The following ENOX1 variants were observed in gnomAD, a reference collection of about 807,000 sequenced individuals.
ENOX1 encodes the protein ecto-NOX disulfide-thiol exchanger 1, also known as candidate growth-related and time keeping constitutive hydroquinone (NADH) oxidase.
A neutral mutation model predicts 82.5 loss-of-function variants in ENOX1; 42 were observed. The observed-to-expected ratio is 0.51, with a 90% confidence interval of 0.40 to 0.66. The LOEUF (loss-of-function observed/expected upper bound fraction) is 0.66. Ranked by LOEUF, ENOX1 falls within the 30% of genes least tolerant of loss-of-function variation. ENOX1 has a pLI of 0.00. For synonymous variants in ENOX1, 271 were observed against 282.2 expected (o/e 0.96, Z 0.40); for missense variants, 608 against 811.6 (o/e 0.75, Z 3.05).
chr13:43,717,318 C>A (rs1423982749), intron 1 of ENOX1, among the ~76,000 whole-genome samples: 1 of 152,136 alleles, frequency 6.6e-6, no homozygotes, highest in African/African-American at 2.4e-5. Flanking sequence ...ATAAATGGTG[C>A]TGGGATAACT....
At chr13:43,353,463 T>C (rs1394077900) in intron 8 of ENOX1, among the ~76,000 whole-genome samples, 1 of 152,246 alleles carries the variant, frequency 6.6e-6, no homozygotes, top group Non-Finnish European at 1.5e-5. Context: ...TCAGATTGCA[T>C]TTCCATTTCC....
chr13:43,344,749 A>G lies in ENOX1; in HGVS notation c.825T>C (p.Asp275=), dbSNP rs753980994. ...TGATAGCCTCTGAAAACTTGCTATC[A>G]TCTGGAAATGGAAAACCACCAAGTA... ...EAALLAEKLK[D]DSKFSEAITV... The change falls in exon 9 of 17, where the codon GAT becomes GAC. Residue 275 remains aspartate (D), a splice_region_variant and synonymous_variant. Coordinates refer to ENST00000690772, the MANE Select transcript of ENOX1 (RefSeq NM_001347969.2). 2.3e-5 allele frequency: 37 copies of G among 1,613,688 alleles called. No homozygotes were observed. The East Asian group carries it at 8.2e-4, about 36-fold the overall frequency.
intron 1 of ENOX1, among the ~76,000 whole-genome samples, chr13:43,717,381 A>G (rs1048636447): frequency 1.1e-4 from 17 of 152,206 alleles, no homozygotes; most frequent in Non-Finnish European, 1.0e-4. Flanking sequence ...CAGCATAACC[A>G]AACATTAACC....
intron 14 of ENOX1, among the ~76,000 whole-genome samples, chr13:43,258,847 C>T (rs754714148): frequency 1.3e-5 from 2 of 152,172 alleles, no homozygotes; most frequent in African/African-American, 4.8e-5. Context: ...TGGAAAAATA[C>T]AAATAAAATT....
intron 2 of ENOX1, among the ~76,000 whole-genome samples, chr13:43,535,157 T>C (rs1442352699): frequency 6.6e-6 from 1 of 152,188 alleles, no homozygotes; most frequent in African/African-American, 2.4e-5. Context: ...TATAAAGTGC[T>C]TAGTGAGTAG....
intron 5 of ENOX1, among the ~76,000 whole-genome samples, chr13:43,384,030 G>A (rs945705060): frequency 1.3e-5 from 2 of 152,142 alleles, no homozygotes; most frequent in Admixed American, 6.5e-5. Context: ...TTCACATCCC[G>A]GCTGCACCAC....
chr13:43,300,864 G>A (rs1378045309), intron 11 of ENOX1, among the ~76,000 whole-genome samples: 2 of 148,462 alleles, frequency 1.3e-5, no homozygotes, highest in Admixed American at 1.3e-4. Flanking sequence ...CACTTTTACA[G>A]TTTTCAGAGA....
intron 14 of ENOX1, among the ~76,000 whole-genome samples, chr13:43,255,918 A>G (rs1360348907): frequency 6.6e-6 from 1 of 152,110 alleles, no homozygotes; most frequent in African/African-American, 2.4e-5. Flanking sequence ...GAAAAATACT[A>G]TGAAGCCACA....
At chr13:43,305,259 T>C (rs2046794428) in intron 11 of ENOX1, among the ~76,000 whole-genome samples, 1 of 22,294 alleles carries the variant, frequency 4.5e-5, no homozygotes, top group Admixed American at 9.3e-4. Flanking sequence ...ATAATACCTG[T>C]ATCACCACTG....
chr13:43,497,337 T>C (rs2076830015), intron 2 of ENOX1, among the ~76,000 whole-genome samples: 1 of 152,172 alleles, frequency 6.6e-6, no homozygotes, highest in Non-Finnish European at 1.5e-5. Flanking sequence ...CCCACATCTC[T>C]TTTCCTGATT....
At chr13:43,699,359 C>A (rs1052108374) in intron 1 of ENOX1, among the ~76,000 whole-genome samples, 5 of 152,174 alleles carry the variant, frequency 3.3e-5, no homozygotes, top group East Asian at 1.9e-4. Context: ...AGAAAGAATT[C>A]TTTTCTCCTT....
At chr13:43,341,052 C>T (rs2049023946) in intron 9 of ENOX1, among the ~76,000 whole-genome samples, 1 of 152,154 alleles carries the variant, frequency 6.6e-6, no homozygotes, top group South Asian at 2.1e-4. Flanking sequence ...AATCCCAGCA[C>T]TTTGGGAGGC....
At chr13:43,644,046 C>A (rs1318849011) in intron 2 of ENOX1, among the ~76,000 whole-genome samples, 1 of 152,132 alleles carries the variant, frequency 6.6e-6, no homozygotes. Flanking sequence ...AATAGAATCC[C>A]AAACTGCCAT....
intron 2 of ENOX1, among the ~76,000 whole-genome samples, chr13:43,630,860 T>TACACAC (rs373900524): frequency 0.039 from 5,833 of 147,764 alleles, 278 homozygotes; most frequent in East Asian, 0.25. Flanking sequence ...TATATATATA[T>TACACAC]ACACACACAC....
intron 12 of ENOX1, among the ~76,000 whole-genome samples, chr13:43,272,005 A>C (rs1219436550): frequency 2.0e-5 from 3 of 152,112 alleles, no homozygotes; most frequent in African/African-American, 7.2e-5. Context: ...AATTTATTTA[A>C]AAATCTAATA....
chr13:43,292,594 G>T (rs1357411986), intron 12 of ENOX1, among the ~76,000 whole-genome samples: 1 of 149,750 alleles, frequency 6.7e-6, no homozygotes, highest in Non-Finnish European at 1.5e-5. Flanking sequence ...CACTTTTGAG[G>T]CTTTCCACAA....
intron 2 of ENOX1, among the ~76,000 whole-genome samples, chr13:43,491,838 T>C (rs2076629236): frequency 6.6e-6 from 1 of 152,180 alleles, no homozygotes; most frequent in African/African-American, 2.4e-5. Context: ...GTACATCCAC[T>C]ACTAAAGAAC....
rs1478540773 is a variant in ENOX1 at position 43,771,902 on chromosome 13, A to C, written c.-285+14750T>G. On this transcript the variant is annotated intron_variant, in intron 1 of 16. Coordinates refer to ENST00000690772, the MANE Select transcript of ENOX1 (RefSeq NM_001347969.2). ...ACCTCAGCCTCCCGAGTAGCTGGGA[A>C]TACAGGCGCGTCTGCCACCACGCCC... is the stretch of plus-strand genomic sequence containing the variant. Among the ~76,000 whole-genome samples, 9 of 150,198 alleles carry C rather than the reference A, an allele frequency of 6.0e-5. No homozygotes were observed. The South Asian group carries it at 8.5e-4, about 14-fold the overall frequency.
chr13:43,717,317 G>T (rs2088214437), intron 1 of ENOX1, among the ~76,000 whole-genome samples: 1 of 152,198 alleles, frequency 6.6e-6, no homozygotes, highest in Non-Finnish European at 1.5e-5. Flanking sequence ...AATAAATGGT[G>T]CTGGGATAAC....
Sources: allele counts gnomAD v4.1 joint callset (sites outside exome capture counted in the v4.1 genomes callset), GRCh38; gene constraint gnomAD v4.1.1; transcripts MANE v1.5; gene names NCBI Gene and HGNC (gene_info 2026-07-23, HGNC 2026-07-21).